The following SLC4A4 variants were observed in gnomAD, a reference collection of about 807,000 sequenced individuals.
SLC4A4 encodes the protein solute carrier family 4 member 4.
SLC4A4 carries 27 observed loss-of-function variants against 111.5 expected under a neutral mutation model. The ratio of observed to expected loss-of-function variants is 0.24; its 90% CI spans 0.18 to 0.33. The LOEUF (loss-of-function observed/expected upper bound fraction) is 0.33, where lower values mean the gene tolerates loss of function less well. Ranked by LOEUF, SLC4A4 falls within the 10% of genes least tolerant of loss-of-function variation. The pLI is 1.00. For synonymous variants in SLC4A4, 443 were observed against 463.4 expected (o/e 0.96, Z 0.57); for missense variants, 909 against 1,315.5 (o/e 0.69, Z 4.78).
intron 15 of SLC4A4, among the ~76,000 whole-genome samples, chr4:71,492,876 C>T (rs868039862): frequency 1.3e-5 from 2 of 152,064 alleles, no homozygotes; most frequent in Middle Eastern, 6.8e-3. Context: ...ATTATTCCCT[C>T]TTCTGACCAT....
chr4:71,149,456 A>G (rs1200409458), intron 2 of SLC4A4, among the ~76,000 whole-genome samples: 4 of 152,186 alleles, frequency 2.6e-5, no homozygotes, highest in Admixed American at 1.3e-4. Flanking sequence ...TAAATTTTGT[A>G]TATTAAAAGC....
At chr4:71,343,867 C>T (rs1472213642) in intron 4 of SLC4A4, among the ~76,000 whole-genome samples, 1 of 152,132 alleles carries the variant, frequency 6.6e-6, no homozygotes, top group Non-Finnish European at 1.5e-5. Flanking sequence ...GCTAATCTGT[C>T]AGGAACTTTG....
At chr4:71,356,796 T>C (rs1449748899) in intron 5 of SLC4A4, among the ~76,000 whole-genome samples, 1 of 152,168 alleles carries the variant, frequency 6.6e-6, no homozygotes. Context: ...TGAAAAAACA[T>C]AAAATGAATA....
chr4:71,349,741 T>C (rs531831574), intron 4 of SLC4A4, among the ~76,000 whole-genome samples, 171 bp from the exon 5 acceptor site: 2 of 152,306 alleles, frequency 1.3e-5, no homozygotes, highest in East Asian at 3.9e-4. Flanking sequence ...TGCTTCTCTT[T>C]GGGTGTGTTT....
intron 3 of SLC4A4, among the ~76,000 whole-genome samples, chr4:71,298,017 A>T (rs1256832318): frequency 2.0e-5 from 3 of 152,348 alleles, no homozygotes; most frequent in Non-Finnish European, 4.4e-5. Context: ...ACTTAATAGT[A>T]CTGTGACCTT....
At chr4:71,244,139 A>G (rs957775283) in intron 2 of SLC4A4, among the ~76,000 whole-genome samples, 1 of 152,216 alleles carries the variant, frequency 6.6e-6, no homozygotes, top group Non-Finnish European at 1.5e-5. Context: ...ATGAAAGCCC[A>G]TGATTGAATC....
At chr4:71,390,560 C>T (rs902986134) in intron 6 of SLC4A4, among the ~76,000 whole-genome samples, 1 of 152,118 alleles carries the variant, frequency 6.6e-6, no homozygotes, top group East Asian at 1.9e-4. Context: ...TTCCCCCCTT[C>T]TTTTCTTTAT....
chr4:71,253,512 T>C (rs1721224083), intron 2 of SLC4A4, among the ~76,000 whole-genome samples: 1 of 152,212 alleles, frequency 6.6e-6, no homozygotes, highest in African/African-American at 2.4e-5. Context: ...TGTGTTTTCT[T>C]GAAAACAACC....
intron 2 of SLC4A4, among the ~76,000 whole-genome samples, chr4:71,101,932 G>A (rs1244772749): frequency 1.3e-5 from 2 of 151,948 alleles, no homozygotes; most frequent in African/African-American, 2.4e-5. Flanking sequence ...AATGACTTTG[G>A]CGAGCTGAGA....
At chr4:71,404,615 C>T (rs1320193017) in intron 7 of SLC4A4, among the ~76,000 whole-genome samples, 4 of 151,990 alleles carry the variant, frequency 2.6e-5, no homozygotes, top group Non-Finnish European at 4.4e-5. Flanking sequence ...CTTTGATGGA[C>T]GTATACTCTC....
At chr4:71,504,037 A>G (rs1731172511) in intron 16 of SLC4A4, among the ~76,000 whole-genome samples, 1 of 152,044 alleles carries the variant, frequency 6.6e-6, no homozygotes, top group Admixed American at 6.6e-5. Context: ...CCTAATGGAG[A>G]TTCTCTTATA....
At chr4:71,087,238 G>T (rs182288827) in intron 1 of SLC4A4, among the ~76,000 whole-genome samples, 2 of 151,996 alleles carry the variant, frequency 1.3e-5, no homozygotes, top group African/African-American at 2.4e-5. Context: ...ATTTCTGTGG[G>T]ATCAGTGGTG....
chr4:71,317,003 C>T (rs1018894463), intron 3 of SLC4A4, among the ~76,000 whole-genome samples: 8 of 151,962 alleles, frequency 5.3e-5, no homozygotes, highest in African/African-American at 1.9e-4. Flanking sequence ...TACAGGCGTG[C>T]ACCAGTATGT....
At chr4:71,168,006 T>C (rs1479715040) in intron 2 of SLC4A4, among the ~76,000 whole-genome samples, 1 of 151,916 alleles carries the variant, frequency 6.6e-6, no homozygotes, top group African/African-American at 2.4e-5. Context: ...TATTTATTTG[T>C]TTTTTTAAAA....
At chr4:71,281,410 A>G (rs963761427) in intron 3 of SLC4A4, among the ~76,000 whole-genome samples, 1 of 152,226 alleles carries the variant, frequency 6.6e-6, no homozygotes, top group Non-Finnish European at 1.5e-5. Context: ...CCTGGGATCT[A>G]ATGCCACATG....
intron 16 of SLC4A4, among the ~76,000 whole-genome samples, chr4:71,511,697 T>C (rs551456692): frequency 1.3e-5 from 2 of 152,220 alleles, no homozygotes; most frequent in South Asian, 4.1e-4. Context: ...ACTCTAACCT[T>C]TTATCAAACA....
At chr4:71,425,846 T>C (rs1723075024) in intron 7 of SLC4A4, among the ~76,000 whole-genome samples, 1 of 152,050 alleles carries the variant, frequency 6.6e-6, no homozygotes, top group Non-Finnish European at 1.5e-5. Context: ...AGTTTCTTCT[T>C]ATGCAGATAA....
At chr4:71,563,730 T>G in intron 23 of SLC4A4, 63 bp from the exon 24 acceptor site, 1 of 1,008,122 alleles carries the variant, frequency 9.9e-7, no homozygotes, top group Non-Finnish European at 1.6e-6. Context: ...TGATCGATGC[T>G]AGGAGATAGG....
At chr4:71,392,637 G>A (rs907898567) in intron 6 of SLC4A4, among the ~76,000 whole-genome samples, 19 of 152,020 alleles carry the variant, frequency 1.2e-4, no homozygotes, top group African/African-American at 4.6e-4. Context: ...TATTCCACAA[G>A]ATAGAGAAAG....
Sources: gnomAD v4.1 joint callset for allele counts (sites outside exome capture counted in the v4.1 genomes callset) on GRCh38, gnomAD v4.1.1 for gene constraint, MANE v1.5 for transcripts, NCBI Gene and HGNC (gene_info 2026-07-23, HGNC 2026-07-21) for gene names.